Variants in CUL7 observed in about 807,000 individuals in gnomAD.
The protein encoded by CUL7 is cullin 7, also known as cullin-7.
In CUL7, 96 loss-of-function variants were observed where a neutral mutation model predicts 177.7. The observed-to-expected ratio is 0.54, with a 90% CI of 0.46 to 0.64. The LOEUF is 0.64. Among genes scored for constraint, CUL7 ranks in the 30% least tolerant of loss-of-function variants. CUL7 has a pLI of 0.00. For missense variants in CUL7, 1,893 were observed against 2,187.9 expected (o/e 0.87, Z 2.69); for synonymous variants, 824 against 890.2 (o/e 0.93, Z 1.32).
intron 7 of CUL7, among the ~76,000 whole-genome samples, 161 bp downstream of exon 7, chr6:43,049,246 G>A (rs1031000328): frequency 1.3e-5 from 2 of 152,160 alleles, no homozygotes; most frequent in Non-Finnish European, 2.9e-5. Flanking sequence ...CATTCTTTGA[G>A]GGAACACAAT....
Position 43,043,169 on chromosome 6 carries a change from T to C in CUL7, c.3367A>G (p.Arg1123Gly). 5 of 1,613,782 alleles carry C rather than the reference T, an allele frequency of 3.1e-6. No individual in the cohort carries two copies. The highest frequency in any genetic ancestry group is 4.2e-6 in the Non-Finnish European group (5 of 1,179,760). The part of the protein sequence containing the change: ...VATPRPKGRN[R>G]SHDWSSLATR... ...GCCAAGGAGCTCCAGTCGTGGCTTCTGTTTCTGCCTTCTGTAGAGACCAAG... is the reference window on the plus strand; with the variant it reads ...GCCAAGGAGCTCCAGTCGTGGCTTCCGTTTCTGCCTTCTGTAGAGACCAAG... Residue 1123 changes from arginine (R) to glycine (G), a missense_variant, in exon 18 of 26, where the codon AGA (arginine) becomes GGA (glycine). Arg to Gly is a moderately radical substitution (Grantham distance 125). This residue lies in a region of CUL7 where 973 missense variants were observed against 1,140.9 expected (regional missense o/e 0.85). Transcript: ENST00000265348. The surrounding 1 kb of genome is among the most constrained non-coding windows in gnomAD (Gnocchi z 4.2).
At chr6:43,041,192 G>T in intron 19 of CUL7, 117 bp from the exon 20 acceptor site, 1 of 933,662 alleles carries the variant, frequency 1.1e-6, no homozygotes, top group Non-Finnish European at 1.7e-6. Flanking sequence ...TAAGGTGGTT[G>T]GTGCTTTCAT....
At position 43,043,334 on chromosome 6, in the gene CUL7, G is replaced by C. The variant is rs1763613561; in HGVS notation, c.3355+114C>G. The C allele has an allele frequency of 8.0e-7, 1 of 1,254,528 alleles. No individual in the cohort carries two copies. Among genetic ancestry groups the C allele is most frequent in the African/African-American group, 1.5e-5 (1 of 67,644 alleles). The allele number at this position is 1,254,528 out of a possible 1,614,324, so 77.7% of individuals were successfully genotyped here. ...GTGACACAAACCTGGAAGATGAACA[G>C]GCTGAGCCCATAGGGAGGGGAAGGA... On this transcript the variant is annotated intron_variant, in intron 17 of 25. Transcript: ENST00000265348. The surrounding 1 kb of genome is among the most constrained non-coding windows in gnomAD (Gnocchi z 4.2).
In CUL7 at chr6:43,040,683, C is replaced by T; in HGVS notation, c.3870G>A (p.Glu1290=). Residue 1290 remains glutamate, a synonymous_variant, in exon 21 of 26, where the codon GAG becomes GAA. Coordinates refer to ENST00000265348, the MANE Select transcript of CUL7 (RefSeq NM_014780.5). The surrounding 1 kb of genome is among the most constrained non-coding windows in gnomAD (Gnocchi z 4.2). ...VSSWLEGAVL[E]QIGPCFPNRL... Reference sequence around the variant, plus strand: ...GGTTGGGGAAGCAGGGACCGATCTGCTCCAGCACGGCCCCCTCCAGCCAGC... The same window carrying T: ...GGTTGGGGAAGCAGGGACCGATCTGTTCCAGCACGGCCCCCTCCAGCCAGC... 6.2e-7 allele frequency: 1 copy of T among 1,614,204 alleles called. No individual in the cohort carries two copies. The highest frequency in any genetic ancestry group is 8.5e-7 in the Non-Finnish European group (1 of 1,180,048).
intron 22 of CUL7, 65 bp from the exon 23 acceptor site, chr6:43,039,052 G>GTGACCAGC: frequency 9.6e-7 from 1 of 1,041,690 alleles, no homozygotes; most frequent in Non-Finnish European, 1.5e-6. Flanking sequence ...TTGGAGGGAG[G>GTGACCAGC]GTGCACGCTG....
chr6:43,037,740 C>G lies in CUL7; in HGVS notation c.5045G>C (p.Gly1682Ala). ...TFHTLQIRSR[G>A]VPYASCTATQ... ...GGCAGTGCAGGAGGCATAGGGCACA[C>G]CCCGGGAGCGAATCTGTAGGGTATG... The change falls in exon 26 of 26, where the codon GGT becomes GCT. Residue 1682 changes from glycine to alanine, a missense_variant. Around this residue, in one of 5 missense-constraint regions of CUL7, gnomAD observed 248 missense variants for 262.5 expected, o/e 0.94. Coordinates refer to ENST00000265348, the MANE Select transcript of CUL7 (RefSeq NM_014780.5). 1 of 1,570,618 alleles carries G rather than the reference C, an allele frequency of 6.4e-7. No individual in the cohort carries two copies.
At position 43,038,439 on chromosome 6, in the gene CUL7, G is replaced by C. The variant is rs1470402989; in HGVS notation, c.4601C>G (p.Pro1534Arg). 8 of 1,614,144 alleles carry C rather than the reference G, an allele frequency of 5.0e-6. No individual in the cohort carries two copies. The highest frequency in any genetic ancestry group is 1.7e-5 in the Admixed American group (1 of 60,020). The change falls in exon 25 of 26, where the codon CCC becomes CGC. Residue 1534 changes from proline (P) to arginine (R), a missense_variant. Physicochemically the swap from Pro to Arg is moderately radical, Grantham distance 103. This residue lies in a region of CUL7 where 248 missense variants were observed against 262.5 expected (regional missense o/e 0.94). Coordinates refer to ENST00000265348, the MANE Select transcript of CUL7 (RefSeq NM_014780.5). ...CCGCACAATGTCCCATCTCGACCTGGGTTCCTTGCTGCCATCTCGAATCTT... is the reference window on the plus strand; with the variant it reads ...CCGCACAATGTCCCATCTCGACCTGCGTTCCTTGCTGCCATCTCGAATCTT... ...VLKIRDGSKE[P>R]RSRWDIVRLI...
chr6:43,038,836 G>A lies in CUL7; in HGVS notation c.4440+6C>T, dbSNP rs746530839. On this transcript the variant is annotated splice_donor_region_variant and intron_variant, in intron 23 of 25. Coordinates refer to ENST00000265348, the MANE Select transcript of CUL7 (RefSeq NM_014780.5). ...ACAGGAGAGAGGTGCAGCGGGGCTG[G>A]GCCACCTTCAGGTCGTTGAGATACA... is the stretch of plus-strand genomic sequence containing the variant. 6.2e-7 allele frequency: 1 copy of A among 1,614,152 alleles called. No homozygotes were observed. Among genetic ancestry groups the A allele is most frequent in the Non-Finnish European group, 8.5e-7 (1 of 1,180,032 alleles).
chr6:43,047,021 T>G lies in CUL7; in HGVS notation c.2256A>C (p.Arg752Ser). The G allele has an allele frequency of 6.2e-7, 1 of 1,613,172 alleles. No individual in the cohort carries two copies. The highest frequency in any genetic ancestry group is 1.1e-5 in the South Asian group (1 of 91,058). Reference sequence around the variant, plus strand: ...TTTCCAGGGCCTTGGAGATAGCGTCTCTTGCTCCCAGCTGATTCAGCACCA... The same window carrying G: ...TTTCCAGGGCCTTGGAGATAGCGTCGCTTGCTCCCAGCTGATTCAGCACCA... ...YAVVLNQLGA[R>S]DAISKALEKH... Residue 752 changes from arginine (R) to serine (S), a missense_variant, in exon 10 of 26, where the codon AGA becomes AGC. Coordinates refer to ENST00000265348, the MANE Select transcript of CUL7 (RefSeq NM_014780.5).
chr6:43,041,793 C>A (rs564810139), intron 19 of CUL7, among the ~76,000 whole-genome samples: 109 of 151,734 alleles, frequency 7.2e-4, no homozygotes, highest in Admixed American at 2.3e-3. Context: ...ATCACGAGGT[C>A]AGGAGTTCGA....
At position 43,052,405 on chromosome 6, in the gene CUL7, A is replaced by G. The variant is rs886061421; in HGVS notation, c.384T>C (p.Cys128=). ...GAGGAGCAGGAGGGATAGTGCCCACACACTCCTCCAGCTGCCGAAGGGCTC... is the reference window on the plus strand; with the variant it reads ...GAGGAGCAGGAGGGATAGTGCCCACGCACTCCTCCAGCTGCCGAAGGGCTC... ...IQRALRQLEE[C]VGTIPPAPLL... Residue 128 remains cysteine, a synonymous_variant, in exon 2 of 26, where the codon TGT becomes TGC. Coordinates refer to ENST00000265348, the MANE Select transcript of CUL7 (RefSeq NM_014780.5). The surrounding 1 kb of genome is among the most constrained non-coding windows in gnomAD (Gnocchi z 4.5). 8.1e-6 allele frequency: 13 copies of G among 1,613,968 alleles called. No homozygotes were observed. The highest frequency in any genetic ancestry group is 1.3e-5 in the African/African-American group (1 of 74,928).
Position 43,051,626 on chromosome 6 carries a change from T to C in CUL7, c.718A>G (p.Ile240Val). Residue 240 changes from isoleucine (I) to valine (V), a missense_variant, in exon 3 of 26, where the codon ATT becomes GTT. Coordinates refer to ENST00000265348, the MANE Select transcript of CUL7 (RefSeq NM_014780.5). The surrounding 1 kb of genome is among the most constrained non-coding windows in gnomAD (Gnocchi z 5.0). ...CCAAAGGTTACCTGTGGTAGCTGAA[T>C]GCCCTCGAAAGACATGGGGTGTTCA... ...LSEHPMSFEGIQLPQVPGRVL... is the reference protein window; with the variant it reads ...LSEHPMSFEGVQLPQVPGRVL... The C allele has an allele frequency of 1.2e-6, 2 of 1,614,216 alleles. No homozygotes were observed. The highest frequency in any genetic ancestry group is 1.3e-5 in the African/African-American group (1 of 75,046).
chr6:43,040,553 C>G lies in CUL7; in HGVS notation c.4000G>C (p.Glu1334Gln), dbSNP rs1354532528. The change falls in exon 21 of 26, where the codon GAG becomes CAG. Residue 1334 changes from glutamate (E) to glutamine (Q), a missense_variant. Coordinates refer to ENST00000265348, the MANE Select transcript of CUL7 (RefSeq NM_014780.5). This position sits in a 1 kb window ranked among gnomAD's most constrained non-coding sequence, Gnocchi z 4.2. ...ACCTGTATTTTCTTCTCTGTATCCT[C>G]CAGCTTCAGGAGTTCCTGATCCAGC... ...QQLDQELLKLEDTEKKIQVGL... is the reference protein window; with the variant it reads ...QQLDQELLKLQDTEKKIQVGL... 6.8e-6 allele frequency: 11 copies of G among 1,614,172 alleles called. No individual in the cohort carries two copies. Among genetic ancestry groups the G allele is most frequent in the Non-Finnish European group, 7.6e-6 (9 of 1,180,026 alleles).
Position 43,052,648 on chromosome 6 carries a change from A to G in CUL7, c.141T>C (p.Arg47=), listed in dbSNP as rs1554140319. ...CAGAGCCCCCGTCCCCCTCATCGCC[A>G]CGCCGCAGGATGAGCCAACGGATCT... ...EYQIRWLILR[R]GDEGDGGSGQ... is the part of the protein sequence containing the mutation. The change falls in exon 2 of 26, where the codon CGT becomes CGC. Residue 47 remains arginine, a synonymous_variant. Coordinates refer to ENST00000265348, the MANE Select transcript of CUL7 (RefSeq NM_014780.5). The surrounding 1 kb of genome is among the most constrained non-coding windows in gnomAD (Gnocchi z 4.5). The G allele has an allele frequency of 2.5e-6, 4 of 1,614,156 alleles. No individual in the cohort carries two copies. The highest frequency in any genetic ancestry group is 2.5e-6 in the Non-Finnish European group (3 of 1,180,032).
At chr6:43,042,329 G>GT (rs1561877651) in intron 19 of CUL7, among the ~76,000 whole-genome samples, 1 of 151,356 alleles carries the variant, frequency 6.6e-6, no homozygotes, top group Non-Finnish European at 1.5e-5. Flanking sequence ...ATTGTGGGGG[G>GT]TTTTTTTGTT....
In CUL7 at chr6:43,051,036, AATC is replaced by A; in HGVS notation, c.1162_1164del (p.Asp388del). Reference sequence around the variant, plus strand: ...TCATCCCCGGCACTGATCTCCTCATAATCATCCAGCATCCGCACTCGCATCCCC... The same window carrying A: ...TCATCCCCGGCACTGATCTCCTCATAATCCAGCATCCGCACTCGCATCCCC... On this transcript the variant is annotated inframe_deletion, in exon 4 of 26. Coordinates refer to ENST00000265348, the MANE Select transcript of CUL7 (RefSeq NM_014780.5). The surrounding 1 kb of genome is among the most constrained non-coding windows in gnomAD (Gnocchi z 5.0). 2 of 1,613,918 alleles carry A rather than the reference AATC, an allele frequency of 1.2e-6. No homozygotes were observed. Among genetic ancestry groups the A allele is most frequent in the Non-Finnish European group, 1.7e-6 (2 of 1,179,936 alleles).
In CUL7 at chr6:43,051,566, A is replaced by G; in HGVS notation, c.732+46T>C. 3 of 1,614,042 alleles carry G rather than the reference A, an allele frequency of 1.9e-6. No individual in the cohort carries two copies. The highest frequency in any genetic ancestry group is 2.5e-6 in the Non-Finnish European group (3 of 1,179,972). ...AGATAGGTGCAAAGGCCTGGACCCT[A>G]GATCTTGTTCACAAGTTCCCCCCAC... On this transcript the variant is annotated intron_variant, in intron 3 of 25. Transcript: ENST00000265348. This position sits in a 1 kb window ranked among gnomAD's most constrained non-coding sequence, Gnocchi z 5.0.
Position 43,050,537 on chromosome 6 carries a change from G to C in CUL7, c.1234-139C>G. On this transcript the variant is annotated intron_variant, in intron 4 of 25. Coordinates refer to ENST00000265348, the MANE Select transcript of CUL7 (RefSeq NM_014780.5). This position sits in a 1 kb window ranked among gnomAD's most constrained non-coding sequence, Gnocchi z 4.1. The stretch of plus-strand genomic sequence containing the variant: ...AAAACCTCCACATAACAAAACAGCA[G>C]CATATGGAGAATACACACACACACA... 2 of 547,914 alleles carry C rather than the reference G, an allele frequency of 3.7e-6. No individual in the cohort carries two copies. The highest frequency in any genetic ancestry group is 2.4e-5 in the Admixed American group (1 of 42,020). 33.9% of individuals were successfully genotyped at this position (547,914 alleles called of 1,614,324 possible).
intron 9 of CUL7, among the ~76,000 whole-genome samples, chr6:43,047,680 G>A (rs933635649): frequency 6.6e-6 from 1 of 152,174 alleles, no homozygotes; most frequent in African/African-American, 2.4e-5. Context: ...TATGTGATGG[G>A]CGCTCTGCCT....
Sources: allele counts gnomAD v4.1 joint callset (sites outside exome capture counted in the v4.1 genomes callset), GRCh38; gene constraint gnomAD v4.1.1; regional missense constraint gnomAD v4.1.1; non-coding constraint Gnocchi (gnomAD v3.1); transcripts MANE v1.5; gene names NCBI Gene and HGNC (gene_info 2026-07-23, HGNC 2026-07-21).